CARMIL1: variants seen among roughly 807,000 people sequenced by gnomAD.
CARMIL1 encodes capping protein regulator and myosin 1 linker 1.
In CARMIL1, 90 loss-of-function variants were observed where a neutral mutation model predicts 177.1. That is an observed-to-expected ratio of 0.51 (90% CI 0.43 to 0.61). CARMIL1 has a LOEUF of 0.61. CARMIL1 is among the 20% of genes least tolerant of loss of function. The pLI, the probability that CARMIL1 is intolerant of heterozygous loss-of-function variation, is 0.00. For synonymous variants in CARMIL1, 577 were observed against 606.2 expected, an observed-to-expected ratio of 0.95 and a Z score of 0.71; for missense variants, 1,380 against 1,667.0, an observed-to-expected ratio of 0.83 and a Z score of 3.00.
chr6:25,406,612 A>C (rs995035839), intron 2 of CARMIL1, among the ~76,000 whole-genome samples: 1 of 152,020 alleles, frequency 6.6e-6, no homozygotes. Flanking sequence ...TGGATGTAAG[A>C]GGTATTTAGG....
At chr6:25,502,243 A>T (rs1804451261) in intron 17 of CARMIL1, among the ~76,000 whole-genome samples, 1 of 151,428 alleles carries the variant, frequency 6.6e-6, no homozygotes, top group Non-Finnish European at 1.5e-5. Context: ...CTGTCAAAAA[A>T]GCAAACAAAC....
At chr6:25,437,754 C>T (rs1229692320) in intron 5 of CARMIL1, among the ~76,000 whole-genome samples, 3 of 152,144 alleles carry the variant, frequency 2.0e-5, no homozygotes, top group South Asian at 2.1e-4. Flanking sequence ...AAAGCTGAGC[C>T]GTGCTCATCT....
At chr6:25,358,981 T>C (rs1309462733) in intron 2 of CARMIL1, among the ~76,000 whole-genome samples, 1 of 152,234 alleles carries the variant, frequency 6.6e-6, no homozygotes, top group Non-Finnish European at 1.5e-5. Flanking sequence ...AGCTTAGTTT[T>C]AGAAGCTAAA....
At chr6:25,313,279 TC>T (rs746847880) in intron 2 of CARMIL1, among the ~76,000 whole-genome samples, 5 of 152,120 alleles carry the variant, frequency 3.3e-5, no homozygotes, top group Non-Finnish European at 5.9e-5. Context: ...AAGGGTCTCT[TC>T]CTCCTTTCAC....
intron 23 of CARMIL1, among the ~76,000 whole-genome samples, chr6:25,522,221 A>G (rs931244053): frequency 1.3e-5 from 2 of 152,190 alleles, no homozygotes; most frequent in Admixed American, 6.5e-5. Flanking sequence ...ACATATTGCA[A>G]TAAAAAATAG....
chr6:25,338,551 C>CTT (rs34070479), intron 2 of CARMIL1, among the ~76,000 whole-genome samples: 16 of 141,434 alleles, frequency 1.1e-4, no homozygotes, highest in Middle Eastern at 3.6e-3. Flanking sequence ...GCTGGTCCTA[C>CTT]TTTTTTTTTT....
intron 2 of CARMIL1, among the ~76,000 whole-genome samples, chr6:25,390,044 A>G (rs1334147052): frequency 6.6e-6 from 1 of 152,100 alleles, no homozygotes; most frequent in Admixed American, 6.5e-5. Context: ...AAAAATAATA[A>G]TGCTTTCCTA....
chr6:25,490,416 G>A (rs1281999353), intron 13 of CARMIL1, among the ~76,000 whole-genome samples: 5 of 152,156 alleles, frequency 3.3e-5, no homozygotes, highest in Non-Finnish European at 7.4e-5. Context: ...TCCATTCTAT[G>A]GCTGGGTGTA....
At chr6:25,338,118 G>T (rs182557723) in intron 2 of CARMIL1, among the ~76,000 whole-genome samples, 8 of 152,064 alleles carry the variant, frequency 5.3e-5, no homozygotes, top group African/African-American at 1.4e-4. Context: ...TTAGCCAGGC[G>T]TGGTGGCGCA....
At chr6:25,528,457 G>T (rs1210749386) in intron 23 of CARMIL1, among the ~76,000 whole-genome samples, 1 of 152,226 alleles carries the variant, frequency 6.6e-6, no homozygotes, top group Non-Finnish European at 1.5e-5. Context: ...AAAAATTCAT[G>T]TGAGAGAAGG....
chr6:25,500,039 C>A (rs1188945160), intron 16 of CARMIL1, 127 bp from the exon 17 acceptor site: 1 of 734,000 alleles, frequency 1.4e-6, no homozygotes, highest in Admixed American at 2.5e-5. Context: ...TAAGAGGGTG[C>A]TTGGTGCTTG....
At chr6:25,350,122 C>CT (rs1227268376) in intron 2 of CARMIL1, among the ~76,000 whole-genome samples, 1 of 152,162 alleles carries the variant, frequency 6.6e-6, no homozygotes, top group Non-Finnish European at 1.5e-5. Flanking sequence ...GTCTGCTCCT[C>CT]TCGGTCTAAG....
At chr6:25,454,960 A>G (rs1490324588) in intron 8 of CARMIL1, among the ~76,000 whole-genome samples, 2 of 152,164 alleles carry the variant, frequency 1.3e-5, no homozygotes, top group African/African-American at 4.8e-5. Flanking sequence ...GGAATTAGAA[A>G]ATTTGGAGGT....
chr6:25,309,453 A>G (rs1783586208), intron 2 of CARMIL1, among the ~76,000 whole-genome samples: 1 of 149,852 alleles, frequency 6.7e-6, no homozygotes, highest in Non-Finnish European at 1.5e-5. Context: ...AGAGTTGTGC[A>G]TCTATTACCA....
intron 2 of CARMIL1, among the ~76,000 whole-genome samples, chr6:25,315,468 A>G (rs1420392674): frequency 6.6e-6 from 1 of 152,234 alleles, no homozygotes; most frequent in African/African-American, 2.4e-5. Flanking sequence ...CTAAATGCCC[A>G]CACATGGCGG....
chr6:25,441,320 C>CATAT lies in CARMIL1; in HGVS notation c.371+5731_371+5734dup, dbSNP rs199573016. ...ATCTCAAAACAAACAAACAAACAAA[C>CATAT]ATATATATATATATATATGTGTGTG... is the stretch of plus-strand genomic sequence containing the variant. On this transcript the variant is annotated intron_variant, in intron 5 of 36. Coordinates refer to ENST00000329474, the MANE Select transcript of CARMIL1 (RefSeq NM_017640.6). 5.0e-3 allele frequency among the ~76,000 whole-genome samples: 503 copies of CATAT among 99,628 alleles called. 2 individuals are homozygous for CATAT. Among genetic ancestry groups the CATAT allele is most frequent in the African/African-American group, 8.8e-3 (220 of 24,890 alleles). The allele number at this position is 99,628 out of a possible 152,430, so 65.4% of individuals were successfully genotyped here. A position where few individuals can be genotyped will look rare whatever the true frequency, so the allele number is the denominator to read the frequency against.
chr6:25,401,187 T>C (rs569226239), intron 2 of CARMIL1, among the ~76,000 whole-genome samples: 1 of 152,314 alleles, frequency 6.6e-6, no homozygotes, highest in South Asian at 2.1e-4. Flanking sequence ...TTTGCTTTTA[T>C]AACATTGTTA....
At chr6:25,503,736 C>A (rs1804652393) in intron 17 of CARMIL1, among the ~76,000 whole-genome samples, 1 of 152,298 alleles carries the variant, frequency 6.6e-6, no homozygotes, top group East Asian at 1.9e-4. Context: ...TCAGATAAAT[C>A]TAGTCTTAAA....
chr6:25,308,908 A>G (rs1335671192), intron 2 of CARMIL1, among the ~76,000 whole-genome samples: 3 of 152,216 alleles, frequency 2.0e-5, no homozygotes, highest in Non-Finnish European at 4.4e-5. Flanking sequence ...CATAGAATCA[A>G]CTATTAATTC....
Sources: gnomAD v4.1 joint callset for allele counts (sites outside exome capture counted in the v4.1 genomes callset) on GRCh38, gnomAD v4.1.1 for gene constraint, MANE v1.5 for transcripts, NCBI Gene and HGNC (gene_info 2026-07-23, HGNC 2026-07-21) for gene names.